Variants in AHI1 observed in about 807,000 individuals in gnomAD.
The protein encoded by AHI1 is jouberin.
Under a neutral mutation model 149.3 loss-of-function variants are expected in AHI1, and 123 were observed. That is an observed-to-expected ratio of 0.82 (90% CI 0.71 to 0.96). AHI1 has a LOEUF of 0.96. Among genes scored for constraint, AHI1 ranks in the 40% least tolerant of loss-of-function variants. The pLI is 0.00. For synonymous variants in AHI1, 475 were observed against 459.8 expected (o/e 1.03, Z -0.42); for missense variants, 1,439 against 1,422.7 (o/e 1.01, Z -0.18).
chr6:135,384,892 C>CA (rs1395702370), intron 23 of AHI1, among the ~76,000 whole-genome samples: 1 of 152,068 alleles, frequency 6.6e-6, no homozygotes, highest in African/African-American at 2.4e-5. Context: ...AGTTCAACAC[C>CA]AGCCTGCCCA....
intron 5 of AHI1, among the ~76,000 whole-genome samples, chr6:135,479,028 G>A (rs1486984397): frequency 6.6e-6 from 1 of 152,264 alleles, no homozygotes; most frequent in African/African-American, 2.4e-5. Flanking sequence ...AAGAGGTGAG[G>A]TTTAGAAACC....
intron 22 of AHI1, among the ~76,000 whole-genome samples, 196 bp from the exon 23 acceptor site, chr6:135,395,092 T>C (rs1037767135): frequency 1.3e-5 from 2 of 151,968 alleles, no homozygotes; most frequent in East Asian, 3.8e-4. Flanking sequence ...ATAATAGTAA[T>C]TAGAACATAG....
intron 24 of AHI1, among the ~76,000 whole-genome samples, chr6:135,338,372 C>G (rs1305394733): frequency 6.6e-6 from 1 of 150,780 alleles, no homozygotes; most frequent in African/African-American, 2.4e-5. Context: ...GCATATAATT[C>G]TAATTGTGAT....
In AHI1 at chr6:135,285,640, A is replaced by G. The variant is rs751910136; in HGVS notation, c.*5T>C. On this transcript the variant is annotated 3_prime_UTR_variant, in exon 29 of 29. Transcript: ENST00000265602. ...TTCGGCAGCTCTTAACTTTTCTTCAATTCTTTACTGGAAAGAAAAATACAC... is the reference window on the plus strand; with the variant it reads ...TTCGGCAGCTCTTAACTTTTCTTCAGTTCTTTACTGGAAAGAAAAATACAC... 9.3e-6 allele frequency: 15 copies of G among 1,607,424 alleles called. No homozygotes were observed. The highest frequency in any genetic ancestry group is 1.3e-5 in the African/African-American group (1 of 74,904).
In AHI1 at chr6:135,490,303, A is replaced by G. The variant is rs557911590; in HGVS notation, c.135+320T>C. The G allele has an allele frequency of 3.7e-5, 26 of 700,520 alleles. No individual in the cohort carries two copies. The East Asian group carries it at 5.1e-4, about 14-fold the overall frequency. 43.4% of individuals were successfully genotyped at this position (700,520 alleles called of 1,614,324 possible). ...ATCTGAAGTTAAGATACTACTTCCT[A>G]AGTTCTTCACAATTCTGGGTTAAAA... On this transcript the variant is annotated intron_variant, in intron 5 of 28. Transcript: ENST00000265602.
chr6:135,440,911 T>C (rs1013537913), intron 14 of AHI1, among the ~76,000 whole-genome samples: 1 of 152,024 alleles, frequency 6.6e-6, no homozygotes, highest in South Asian at 2.1e-4. Flanking sequence ...CAGTTTTCAA[T>C]ACAAAATTAT....
chr6:135,405,889 A>T (rs2128500464), intron 21 of AHI1, among the ~76,000 whole-genome samples: 1 of 151,568 alleles, frequency 6.6e-6, no homozygotes, highest in Admixed American at 6.6e-5. Context: ...AAAAAAAGAA[A>T]AAGAAAAAGA....
rs768295818 is a variant in AHI1, at chr6:135,427,156, GGTA to G, written c.2764+8_2764+10del. 2.8e-5 allele frequency: 45 copies of G among 1,607,104 alleles called. No homozygotes were observed. Among genetic ancestry groups the G allele is most frequent in the Non-Finnish European group, 3.8e-5 (45 of 1,175,800 alleles). On this transcript the variant is annotated splice_region_variant and intron_variant, in intron 20 of 28. Coordinates refer to ENST00000265602, the MANE Select transcript of AHI1 (RefSeq NM_001134831.2). Reference sequence around the variant, plus strand: ...TCTAAAAATTCTTTACTTATCAAGTGGTAGACTTACCATGGAAATCGTAAATAT... The same window carrying G: ...TCTAAAAATTCTTTACTTATCAAGTGGACTTACCATGGAAATCGTAAATAT...
At chr6:135,432,497 T>A (rs1261728024) in intron 16 of AHI1, among the ~76,000 whole-genome samples, 2 of 151,894 alleles carry the variant, frequency 1.3e-5, no homozygotes, top group Non-Finnish European at 2.9e-5. Flanking sequence ...GGACTACAGG[T>A]GCATGCCACC....
chr6:135,470,824 T>C (rs1791568816), intron 5 of AHI1, among the ~76,000 whole-genome samples: 1 of 152,082 alleles, frequency 6.6e-6, no homozygotes, highest in South Asian at 2.1e-4. Context: ...GATAAATAGC[T>C]AATGCATGTG....
At chr6:135,403,786 T>C (rs1296000790) in intron 22 of AHI1, among the ~76,000 whole-genome samples, 1 of 152,148 alleles carries the variant, frequency 6.6e-6, no homozygotes, top group African/African-American at 2.4e-5. Context: ...ATATAGCTTG[T>C]TCTCTTTTCC....
intron 14 of AHI1, among the ~76,000 whole-genome samples, chr6:135,441,533 A>AT (rs1786293839): frequency 6.7e-6 from 1 of 149,362 alleles, no homozygotes; most frequent in African/African-American, 2.6e-5. Flanking sequence ...AAAGACAAAG[A>AT]TTCCTCTTCC....
At chr6:135,393,760 C>T (rs543375959) in intron 23 of AHI1, among the ~76,000 whole-genome samples, 48 of 151,972 alleles carry the variant, frequency 3.2e-4, no homozygotes, top group Non-Finnish European at 6.5e-4. Context: ...TCACATAGCA[C>T]CTTATGCTTA....
chr6:135,366,808 T>C (rs1392910083), intron 23 of AHI1, among the ~76,000 whole-genome samples: 1 of 152,174 alleles, frequency 6.6e-6, no homozygotes, highest in East Asian at 1.9e-4. Flanking sequence ...TGTTATTTTT[T>C]CTCTTCTGCT....
At chr6:135,387,767 ATC>A in intron 23 of AHI1, 1 of 1,224,938 alleles carries the variant, frequency 8.2e-7, no homozygotes, top group Admixed American at 4.0e-5. Flanking sequence ...AAAAAAAAAA[ATC>A]AAAAAAGCCT....
chr6:135,372,994 C>G (rs1269087279), intron 23 of AHI1, among the ~76,000 whole-genome samples: 1 of 152,208 alleles, frequency 6.6e-6, no homozygotes, highest in African/African-American at 2.4e-5. Context: ...AATCTATTCT[C>G]CTATGCCACA....
intron 18 of AHI1, among the ~76,000 whole-genome samples, chr6:135,429,452 A>T (rs1024992709): frequency 4.0e-5 from 6 of 151,762 alleles, no homozygotes; most frequent in Admixed American, 6.6e-5. Context: ...TAAACAAAAA[A>T]ACAAGGACAT....
intron 21 of AHI1, among the ~76,000 whole-genome samples, chr6:135,408,551 C>G (rs919508608): frequency 2.6e-5 from 4 of 151,644 alleles, no homozygotes; most frequent in Non-Finnish European, 5.9e-5. Flanking sequence ...AAATCTAAAC[C>G]CAGAGATGGA....
At position 135,348,452 on chromosome 6, in the gene AHI1, A is replaced by G. The variant is rs17064443; in HGVS notation, c.3165+9680T>C. ...TTTTGGTAAAGGAAAATTTTAAGTAACCACTATATCTTATTTTAAAGGCAT... is the reference window on the plus strand; with the variant it reads ...TTTTGGTAAAGGAAAATTTTAAGTAGCCACTATATCTTATTTTAAAGGCAT... On this transcript the variant is annotated intron_variant, in intron 24 of 28. Coordinates refer to ENST00000265602, the MANE Select transcript of AHI1 (RefSeq NM_001134831.2). 4.0e-3 allele frequency among the ~76,000 whole-genome samples: 612 copies of G among 152,258 alleles called. 1 individual carries two copies. Among genetic ancestry groups the G allele is most frequent in the African/African-American group, 0.014 (588 of 41,556 alleles).
Sources: gnomAD v4.1 joint callset for allele counts (sites outside exome capture counted in the v4.1 genomes callset) on GRCh38, gnomAD v4.1.1 for gene constraint, MANE v1.5 for transcripts, NCBI Gene and HGNC (gene_info 2026-07-23, HGNC 2026-07-21) for gene names.